GRB10: variants seen among roughly 807,000 people sequenced by gnomAD.
GRB10 encodes the protein growth factor receptor bound protein 10, also known as growth factor receptor-bound protein 10.
In GRB10, 20 loss-of-function variants were observed where a neutral mutation model predicts 80.9. That is an observed-to-expected ratio of 0.25 (90% CI 0.17 to 0.36). The LOEUF is 0.36. Among genes scored for constraint, GRB10 ranks in the 10% least tolerant of loss-of-function variants. The pLI is 1.00. For missense variants in GRB10, 548 were observed against 747.7 expected, an observed-to-expected ratio of 0.73 and a Z score of 3.12; for synonymous variants, 291 against 291.5, an observed-to-expected ratio of 1.00 and a Z score of 0.02.
chr7:50,628,557 G>A (rs563842877), intron 7 of GRB10, among the ~76,000 whole-genome samples: 2 of 126,730 alleles, frequency 1.6e-5, no homozygotes, highest in African/African-American at 2.8e-5. Context: ...AAGCCTGAGT[G>A]CCCAGGTGGG....
chr7:50,702,484 C>A (rs758548431), intron 5 of GRB10, among the ~76,000 whole-genome samples: 1 of 152,212 alleles, frequency 6.6e-6, no homozygotes, highest in Non-Finnish European at 1.5e-5. Flanking sequence ...TTGGCTTTCC[C>A]ATTTTACATG....
At chr7:50,766,680 G>A (rs965961523) in intron 2 of GRB10, among the ~76,000 whole-genome samples, 1 of 152,192 alleles carries the variant, frequency 6.6e-6, no homozygotes, top group African/African-American at 2.4e-5. Context: ...TAGGGAAACA[G>A]TCAATGTGCT....
intron 3 of GRB10, among the ~76,000 whole-genome samples, chr7:50,733,537 T>C (rs2070264809): frequency 6.6e-6 from 1 of 152,208 alleles, no homozygotes; most frequent in South Asian, 2.1e-4. Context: ...CCAGAACACT[T>C]TGCTGGGGCT....
At chr7:50,758,085 C>T (rs962351345) in intron 2 of GRB10, among the ~76,000 whole-genome samples, 1 of 152,160 alleles carries the variant, frequency 6.6e-6, no homozygotes, top group African/African-American at 2.4e-5. Context: ...GCTCTTTGAA[C>T]CTGATAAACT....
At chr7:50,763,743 T>C (rs1371644624) in intron 2 of GRB10, among the ~76,000 whole-genome samples, 1 of 152,242 alleles carries the variant, frequency 6.6e-6, no homozygotes, top group African/African-American at 2.4e-5. Flanking sequence ...GCCCAGCTCA[T>C]TGGCTGCGGA....
chr7:50,722,723 A>G (rs4947816), intron 4 of GRB10, among the ~76,000 whole-genome samples: 12,777 of 151,940 alleles, frequency 0.084, 928 homozygotes, highest in Admixed American at 0.19. Flanking sequence ...GTGACAGGGT[A>G]CCGCCCCCTC....
intron 4 of GRB10, among the ~76,000 whole-genome samples, chr7:50,704,520 A>G (rs546641200): frequency 1.3e-5 from 2 of 152,346 alleles, no homozygotes; most frequent in Admixed American, 6.5e-5. Flanking sequence ...ATCAGTGACT[A>G]ACTTGGGGTA....
chr7:50,653,459 G>A (rs1410579297), intron 7 of GRB10, among the ~76,000 whole-genome samples: 4 of 152,228 alleles, frequency 2.6e-5, no homozygotes, highest in African/African-American at 9.6e-5. Context: ...AGAGAGTGGG[G>A]GACTCAGGAA....
chr7:50,785,533 C>T (rs1055171242), upstream of GRB10, among the ~76,000 whole-genome samples: 26 of 152,358 alleles, frequency 1.7e-4, no homozygotes, highest in African/African-American at 5.3e-4. Flanking sequence ...GGAGATACAT[C>T]CTCCACCCCA....
At chr7:50,687,098 T>C (rs1176237270) in intron 5 of GRB10, among the ~76,000 whole-genome samples, 4 of 152,146 alleles carry the variant, frequency 2.6e-5, no homozygotes, top group Admixed American at 2.6e-4. Context: ...CGGTAGAATT[T>C]TCCCGAAAGC....
intron 2 of GRB10, among the ~76,000 whole-genome samples, chr7:50,761,023 C>A (rs1162951309): frequency 6.6e-6 from 1 of 152,198 alleles, no homozygotes; most frequent in Non-Finnish European, 1.5e-5. Flanking sequence ...ATGTGAGACA[C>A]AAAACACAAC....
At chr7:50,784,546 C>A (rs2078609366), upstream of GRB10, among the ~76,000 whole-genome samples, 1 of 152,210 alleles carries the variant, frequency 6.6e-6, no homozygotes, top group Admixed American at 6.5e-5. Context: ...CCCTGCCACA[C>A]TCCCCTCTAT....
At chr7:50,784,720 G>A (rs1174231014), upstream of GRB10, among the ~76,000 whole-genome samples, 1 of 152,188 alleles carries the variant, frequency 6.6e-6, no homozygotes, top group Non-Finnish European at 1.5e-5. Context: ...CAGAATCTTT[G>A]AAAAGGCATA....
chr7:50,661,059 T>G (rs1345390416), intron 7 of GRB10, among the ~76,000 whole-genome samples: 2 of 152,170 alleles, frequency 1.3e-5, no homozygotes, highest in East Asian at 3.9e-4. Context: ...AAGTCCATCC[T>G]CAGCAAGGCC....
intron 17 of GRB10, among the ~76,000 whole-genome samples, chr7:50,599,911 A>G (rs918380275): frequency 1.3e-5 from 2 of 152,160 alleles, no homozygotes; most frequent in Admixed American, 6.5e-5. Context: ...ATCACTCAGG[A>G]AGCTTCTTCA....
chr7:50,633,709 A>AAACAAC (rs55948218), intron 7 of GRB10, among the ~76,000 whole-genome samples: 109,139 of 151,472 alleles, frequency 0.72, 39,861 homozygotes, highest in East Asian at 0.88. Context: ...AAAACAAACA[A>AAACAAC]AACAACAACA....
chr7:50,658,031 G>A (rs2058825302), intron 7 of GRB10, among the ~76,000 whole-genome samples: 1 of 152,228 alleles, frequency 6.6e-6, no homozygotes, highest in African/African-American at 2.4e-5. Flanking sequence ...TGGCCTAGAT[G>A]GCCCATCTCA....
upstream of GRB10, among the ~76,000 whole-genome samples, chr7:50,785,231 T>C (rs2078643843): frequency 6.6e-6 from 1 of 152,166 alleles, no homozygotes. Flanking sequence ...AAATGCTCAC[T>C]CACACAGGGC....
chr7:50,636,295 A>C (rs983005403), intron 7 of GRB10, among the ~76,000 whole-genome samples: 1 of 152,118 alleles, frequency 6.6e-6, no homozygotes. Context: ...CCAAATTTTA[A>C]CAGCCATACA....
Sources: allele counts gnomAD v4.1 joint callset (sites outside exome capture counted in the v4.1 genomes callset), GRCh38; gene constraint gnomAD v4.1.1; transcripts MANE v1.5; gene names NCBI Gene and HGNC (gene_info 2026-07-23, HGNC 2026-07-21).